CNTNAP3B: variants seen among roughly 807,000 people sequenced by gnomAD.
CNTNAP3B encodes contactin-associated protein-like 3B.
CNTNAP3B carries 25 observed loss-of-function variants against 108.9 expected under a neutral mutation model. The observed-to-expected ratio is 0.23, with a 90% CI of 0.17 to 0.32. The LOEUF (loss-of-function observed/expected upper bound fraction) is 0.32. CNTNAP3B is among the 10% of genes least tolerant of loss of function. CNTNAP3B has a pLI of 1.00. For synonymous variants in CNTNAP3B, 103 were observed against 473.4 expected, an observed-to-expected ratio of 0.22 and a Z score of 10.16; for missense variants, 252 against 1,210.4, an observed-to-expected ratio of 0.21 and a Z score of 11.75.
At chr9:42,063,945 C>G (rs1361532806) in intron 3 of CNTNAP3B, among the ~76,000 whole-genome samples, 1 of 148,338 alleles carries the variant, frequency 6.7e-6, no homozygotes, top group Non-Finnish European at 1.5e-5. Flanking sequence ...TTTTCAGTGT[C>G]CATACTTTTA....
intron 12 of CNTNAP3B, among the ~76,000 whole-genome samples, chr9:41,957,575 C>T (rs1824899637): frequency 1.4e-5 from 2 of 145,814 alleles, no homozygotes; most frequent in Admixed American, 1.4e-4. Context: ...TGTTTTTGAT[C>T]TCTAGCACTC....
intron 1 of CNTNAP3B, among the ~76,000 whole-genome samples, chr9:42,116,507 A>G (rs1487907366): frequency 7.4e-6 from 1 of 134,874 alleles, no homozygotes; most frequent in East Asian, 2.2e-4. Flanking sequence ...CTGCCTTACA[A>G]GAGCTCCTGA....
At chr9:42,014,620 C>A (rs1401340724) in intron 3 of CNTNAP3B, among the ~76,000 whole-genome samples, 2 of 106,306 alleles carry the variant, frequency 1.9e-5, no homozygotes, top group Admixed American at 1.0e-4. Context: ...GAAACCCTGT[C>A]TCTACTAAAA....
intron 1 of CNTNAP3B, among the ~76,000 whole-genome samples, chr9:42,113,904 G>C (rs1828254695): frequency 7.2e-6 from 1 of 138,634 alleles, no homozygotes; most frequent in African/African-American, 2.9e-5. Flanking sequence ...ATCTCATGTA[G>C]ACCATCGATA....
intron 16 of CNTNAP3B, among the ~76,000 whole-genome samples, 193 bp from the exon 17 acceptor site, chr9:41,923,088 T>A (rs1304010694): frequency 8.7e-6 from 1 of 114,834 alleles, no homozygotes; most frequent in African/African-American, 3.4e-5. Flanking sequence ...GATTTTAACA[T>A]ATTTATCCTC....
chr9:41,995,645 G>T (rs537013683), intron 7 of CNTNAP3B, among the ~76,000 whole-genome samples: 14 of 123,676 alleles, frequency 1.1e-4, no homozygotes, highest in African/African-American at 4.7e-4. Context: ...GCGGGAGAAT[G>T]GCGTGAACCC....
At chr9:42,109,760 G>A (rs1441855987) in intron 1 of CNTNAP3B, among the ~76,000 whole-genome samples, 2 of 137,952 alleles carry the variant, frequency 1.4e-5, no homozygotes, top group African/African-American at 2.9e-5. Flanking sequence ...CCCTGTGAAG[G>A]TTACTTCAGA....
intron 1 of CNTNAP3B, among the ~76,000 whole-genome samples, chr9:42,113,040 C>A (rs1216599090): frequency 7.5e-6 from 1 of 134,134 alleles, no homozygotes; most frequent in Non-Finnish European, 1.6e-5. Context: ...CAGGCGTGAG[C>A]CACCATGCCC....
intron 3 of CNTNAP3B, among the ~76,000 whole-genome samples, chr9:42,020,697 CCA>C (rs1163539906): frequency 6.9e-6 from 1 of 144,810 alleles, no homozygotes; most frequent in Non-Finnish European, 1.5e-5. Flanking sequence ...CCAGTATTTA[CCA>C]GTGTTTAACA....
intron 13 of CNTNAP3B, among the ~76,000 whole-genome samples, chr9:41,943,346 T>TTG: frequency 3.0e-3 from 1 of 338 alleles, no homozygotes; most frequent in African/African-American, 0.014. Flanking sequence ...TGGACAATAA[T>TTG]TTTTTTTTTT....
rs1437271587 is a variant in CNTNAP3B at position 41,991,820 on chromosome 9, GA to G, written c.1122del (p.Leu375Ter). 7.5e-7 allele frequency: 1 copy of G among 1,331,848 alleles called. No individual in the cohort carries two copies. Among genetic ancestry groups the G allele is most frequent in the Non-Finnish European group, 1.0e-6 (1 of 954,990 alleles). 82.5% of individuals were successfully genotyped at this position (1,331,848 alleles called of 1,614,324 possible). A position where few individuals can be genotyped will look rare whatever the true frequency, so the allele number is the denominator to read the frequency against. The part of the protein sequence containing the change: ...CPQPQTVPVT[F>X]LSSRSYLALP... ...AGAGCCAGATAACTCCTGGAGCTCA[GA>G]AAAGTCACAGGGACAGTCTGTGGCT... On this transcript the variant is annotated frameshift_variant, in exon 8 of 24. Transcript: ENST00000377561. LOFTEE classifies it high-confidence loss of function.
intron 15 of CNTNAP3B, among the ~76,000 whole-genome samples, chr9:41,925,830 G>C (rs1403450510): frequency 1.3e-5 from 2 of 152,264 alleles, no homozygotes; most frequent in Non-Finnish European, 2.9e-5. Flanking sequence ...AAATGATCCA[G>C]GCTCATCTTA....
chr9:42,077,133 G>A lies in CNTNAP3B; in HGVS notation c.197-71C>T, dbSNP rs1347859328. On this transcript the variant is annotated intron_variant, in intron 2 of 23. Transcript: ENST00000377561. ...ATTTAACATAGCTGTTACTAGATTA[G>A]AAAACTATAAAATTATGAATATATA... 1.6e-5 allele frequency: 16 copies of A among 1,005,678 alleles called. 1 individual carries two copies. Among genetic ancestry groups the A allele is most frequent in the Non-Finnish European group, 2.2e-5 (16 of 718,978 alleles). 62.3% of individuals were successfully genotyped at this position (1,005,678 alleles called of 1,614,324 possible). A position where few individuals can be genotyped will look rare whatever the true frequency, so the allele number is the denominator to read the frequency against.
rs1390823584 is a variant in CNTNAP3B at position 42,111,261 on chromosome 9, CCATT to C, written c.86-6526_86-6523del. On this transcript the variant is annotated intron_variant, in intron 1 of 23. Coordinates refer to ENST00000377561, the MANE Select transcript of CNTNAP3B (RefSeq NM_001201380.3). ...CGGCTTGAACTCTTGGGAGAAATAC[CCATT>C]CATTCATTCAACAAATATTTGTTGA... is the stretch of plus-strand genomic sequence containing the variant. 1.4e-5 allele frequency among the ~76,000 whole-genome samples: 2 copies of C among 139,294 alleles called. 1 individual carries two copies. The highest frequency in any genetic ancestry group is 5.7e-5 in the African/African-American group (2 of 35,078). The allele number at this position is 139,294 out of a possible 152,430, so 91.4% of individuals were successfully genotyped here. A position where few individuals can be genotyped will look rare whatever the true frequency, so the allele number is the denominator to read the frequency against.
intron 2 of CNTNAP3B, among the ~76,000 whole-genome samples, chr9:42,088,692 A>C (rs2118658158): frequency 7.2e-6 from 1 of 137,970 alleles, no homozygotes; most frequent in South Asian, 2.4e-4. Flanking sequence ...AAAAGCATAA[A>C]AATAGAATGC....
intron 15 of CNTNAP3B, among the ~76,000 whole-genome samples, chr9:41,925,178 C>T (rs1823779598): frequency 1.3e-5 from 2 of 149,514 alleles, no homozygotes; most frequent in African/African-American, 2.5e-5. Context: ...ATTTTTTCAT[C>T]CAATGGTTTT....
intron 18 of CNTNAP3B, among the ~76,000 whole-genome samples, chr9:41,915,865 T>C (rs931347993): frequency 7.0e-4 from 106 of 151,316 alleles, no homozygotes; most frequent in Middle Eastern, 3.4e-3. Flanking sequence ...GGCCTTTTAA[T>C]ATACTTCATG....
chr9:41,937,169 C>T (rs1249771622), intron 14 of CNTNAP3B, among the ~76,000 whole-genome samples: 1 of 147,748 alleles, frequency 6.8e-6, no homozygotes, highest in African/African-American at 2.6e-5. Flanking sequence ...GCTCTGTCGC[C>T]CAGGCTGGAG....
intron 3 of CNTNAP3B, among the ~76,000 whole-genome samples, chr9:42,070,498 C>T (rs1827350165): frequency 7.0e-6 from 1 of 143,340 alleles, no homozygotes. Flanking sequence ...TCCTCTGACT[C>T]ACTGTGTCGC....
Sources: gnomAD v4.1 joint callset for allele counts (sites outside exome capture counted in the v4.1 genomes callset) on GRCh38, gnomAD v4.1.1 for gene constraint, MANE v1.5 for transcripts, NCBI Gene and HGNC (gene_info 2026-07-23, HGNC 2026-07-21) for gene names.